Variants in RARB observed in about 807,000 individuals in gnomAD.
RARB encodes the protein retinoic acid receptor beta, also known as HBV-activated protein.
RARB carries 17 observed loss-of-function variants against 51.9 expected under a neutral mutation model. The ratio of observed to expected loss-of-function variants is 0.33; its 90% CI spans 0.22 to 0.49. The LOEUF (loss-of-function observed/expected upper bound fraction) is 0.49. RARB is among the 20% of genes least tolerant of loss of function. The pLI is 0.99. For missense variants in RARB, 369 were observed against 550.8 expected, an observed-to-expected ratio of 0.67 and a Z score of 3.30; for synonymous variants, 215 against 195.4, an observed-to-expected ratio of 1.10 and a Z score of -0.84.
In RARB at chr3:24,987,247, GT is replaced by G. The variant is rs879659384; in HGVS notation, c.-379-72868del. On this transcript the variant is annotated intron_variant, in intron 2 of 11. Coordinates refer to the RARB transcript ENST00000383772. ...AATCTGTATTTCAAAATCAACATCT[GT>G]TTTTTTTTTATTCCTTCTCCTCCAC... Among the ~76,000 whole-genome samples the G allele has an allele frequency of 9.2e-4, 136 of 148,014 alleles. 2 individuals are homozygous for G. Among genetic ancestry groups the G allele is most frequent in the Admixed American group, 7.6e-3 (112 of 14,804 alleles).
chr3:25,192,836 T>C (rs937307653), intron 5 of RARB, among the ~76,000 whole-genome samples: 4 of 152,026 alleles, frequency 2.6e-5, no homozygotes, highest in Admixed American at 6.6e-5. Flanking sequence ...AGCAGGTGAC[T>C]GGCATAGTAT....
chr3:25,048,631 A>G (rs1438764411), intron 2 of RARB, among the ~76,000 whole-genome samples: 1 of 152,172 alleles, frequency 6.6e-6, no homozygotes, highest in East Asian at 1.9e-4. Flanking sequence ...TCTCTGGCCA[A>G]AAGCACTTAA....
chr3:25,133,297 C>T (rs879614522), intron 4 of RARB, among the ~76,000 whole-genome samples: 2 of 151,892 alleles, frequency 1.3e-5, no homozygotes, highest in African/African-American at 2.4e-5. Context: ...CTAAGAGTAG[C>T]ATTCTTTGTG....
chr3:25,271,597 G>A (rs1285236680), intron 5 of RARB, among the ~76,000 whole-genome samples: 3 of 152,130 alleles, frequency 2.0e-5, no homozygotes, highest in East Asian at 1.9e-4. Flanking sequence ...TGGTAGTTCC[G>A]TCTTTCCTGC....
At chr3:24,977,321 G>T (rs1343210849) in intron 2 of RARB, among the ~76,000 whole-genome samples, 1 of 152,138 alleles carries the variant, frequency 6.6e-6, no homozygotes, top group Non-Finnish European at 1.5e-5. Flanking sequence ...GCTTGATGGG[G>T]ATAGGATTGA....
chr3:25,432,283 A>G (rs1708241774), intron 1 of RARB, among the ~76,000 whole-genome samples: 1 of 152,240 alleles, frequency 6.6e-6, no homozygotes, highest in African/African-American at 2.4e-5. Flanking sequence ...TGTGCAACTT[A>G]GAAAAGAAAA....
intron 2 of RARB, among the ~76,000 whole-genome samples, chr3:24,907,920 G>C (rs558574209): frequency 6.6e-6 from 1 of 151,984 alleles, no homozygotes; most frequent in East Asian, 1.9e-4. Context: ...GGTCTCTTAG[G>C]GACAAGTGGT....
intron 1 of RARB, among the ~76,000 whole-genome samples, chr3:24,835,028 AT>A (rs1184206495): frequency 6.7e-6 from 1 of 149,228 alleles, no homozygotes; most frequent in Non-Finnish European, 1.5e-5. Context: ...TCTGTCCCTT[AT>A]CCTTTTAAAT....
At chr3:24,905,358 C>T (rs941919004) in intron 2 of RARB, among the ~76,000 whole-genome samples, 2 of 152,162 alleles carry the variant, frequency 1.3e-5, no homozygotes, top group Admixed American at 6.5e-5. Flanking sequence ...AGGCCAAATG[C>T]ACCTTTTCAG....
chr3:25,587,854 T>C (rs1318576562), intron 5 of RARB, among the ~76,000 whole-genome samples: 1 of 152,238 alleles, frequency 6.6e-6, no homozygotes, highest in East Asian at 1.9e-4. Context: ...GTGACCAAGA[T>C]GGTTGAGCAA....
chr3:25,466,160 G>A (rs1695420452), intron 2 of RARB, among the ~76,000 whole-genome samples: 1 of 152,152 alleles, frequency 6.6e-6, no homozygotes, highest in East Asian at 1.9e-4. Context: ...GTACTAAGTG[G>A]CACATACATG....
At chr3:25,312,480 AG>A (rs1704314349) in intron 5 of RARB, among the ~76,000 whole-genome samples, 1 of 152,146 alleles carries the variant, frequency 6.6e-6, no homozygotes, top group African/African-American at 2.4e-5. Context: ...CCTCTGGTCA[AG>A]TATAGAGGAA....
intron 4 of RARB, among the ~76,000 whole-genome samples, chr3:25,140,350 G>A (rs1700090184): frequency 6.6e-6 from 1 of 152,174 alleles, no homozygotes; most frequent in South Asian, 2.1e-4. Context: ...CAGGAATTTG[G>A]AAGAAGTTGA....
At chr3:24,922,510 G>T (rs1376628389) in intron 2 of RARB, among the ~76,000 whole-genome samples, 3 of 152,142 alleles carry the variant, frequency 2.0e-5, no homozygotes, top group Non-Finnish European at 4.4e-5. Flanking sequence ...CCATTTTACA[G>T]ACGAGGAAAC....
chr3:24,977,898 A>G (rs894185707), intron 2 of RARB, among the ~76,000 whole-genome samples: 2 of 152,136 alleles, frequency 1.3e-5, no homozygotes, highest in Non-Finnish European at 2.9e-5. Context: ...GTTTGTCATA[A>G]ATAGCTCTTA....
chr3:25,099,633 A>G (rs559283483), intron 3 of RARB, among the ~76,000 whole-genome samples: 10 of 151,260 alleles, frequency 6.6e-5, no homozygotes, highest in African/African-American at 2.4e-4. Flanking sequence ...AAAAAAAAAA[A>G]AACTTTCATT....
intron 5 of RARB, among the ~76,000 whole-genome samples, chr3:25,203,108 A>G (rs529507376): frequency 1.4e-4 from 21 of 152,212 alleles, no homozygotes; most frequent in Admixed American, 4.6e-4. Flanking sequence ...TTATGAATCT[A>G]GGTGCTCCTG....
intron 2 of RARB, among the ~76,000 whole-genome samples, chr3:25,056,768 A>T (rs1698450446): frequency 1.3e-5 from 2 of 152,122 alleles, no homozygotes; most frequent in African/African-American, 4.8e-5. Flanking sequence ...TTTTGAGAGG[A>T]TAGAATTCTT....
chr3:25,270,261 C>A (rs893742241), intron 5 of RARB, among the ~76,000 whole-genome samples: 1 of 152,218 alleles, frequency 6.6e-6, no homozygotes, highest in East Asian at 1.9e-4. Context: ...ATAGATAAGC[C>A]AAATGCGGTC....
Sources: allele counts gnomAD v4.1 joint callset (sites outside exome capture counted in the v4.1 genomes callset), GRCh38; gene constraint gnomAD v4.1.1; transcripts MANE v1.5; gene names NCBI Gene and HGNC (gene_info 2026-07-23, HGNC 2026-07-21).